Variants in PIWIL4 observed in about 807,000 individuals in gnomAD.
The protein encoded by PIWIL4 is piwi-like protein 4.
Under a neutral mutation model 100.9 loss-of-function variants are expected in PIWIL4, and 50 were observed. The observed-to-expected ratio is 0.50, with a 90% CI of 0.39 to 0.63. The LOEUF is 0.63. PIWIL4 is among the 20% of genes least tolerant of loss of function. The pLI, the probability that PIWIL4 is intolerant of heterozygous loss-of-function variation, is 0.00. For synonymous variants in PIWIL4, 342 were observed against 367.5 expected (o/e 0.93, Z 0.79); for missense variants, 887 against 1,043.3 (o/e 0.85, Z 2.06).
intron 2 of PIWIL4, among the ~76,000 whole-genome samples, chr11:94,570,536 G>T (rs182629315): frequency 1.3e-5 from 2 of 152,128 alleles, no homozygotes; most frequent in East Asian, 3.9e-4. Context: ...AGGCACTGGG[G>T]GTTAAGACAT....
intron 9 of PIWIL4, among the ~76,000 whole-genome samples, chr11:94,594,721 G>A (rs1235121007): frequency 5.9e-5 from 9 of 151,954 alleles, no homozygotes; most frequent in Non-Finnish European, 7.4e-5. Context: ...TAGTAGAGAC[G>A]GGGTTTCTCC....
intron 10 of PIWIL4, among the ~76,000 whole-genome samples, chr11:94,596,974 C>T (rs769343726): frequency 6.6e-5 from 10 of 152,114 alleles, no homozygotes; most frequent in Non-Finnish European, 1.3e-4. Context: ...GGATCTCCTC[C>T]ATGTCCCGCA....
At chr11:94,588,049 A>G (rs1392324130) in intron 7 of PIWIL4, among the ~76,000 whole-genome samples, 1 of 152,160 alleles carries the variant, frequency 6.6e-6, no homozygotes, top group Non-Finnish European at 1.5e-5. Flanking sequence ...GCAGCTATCA[A>G]CCATCACCTA....
At chr11:94,577,545 G>A in intron 4 of PIWIL4, 53 bp downstream of exon 4, 6 of 1,376,098 alleles carry the variant, frequency 4.4e-6, no homozygotes, top group Non-Finnish European at 5.0e-6. Context: ...TTTATTATAT[G>A]TGTATACACA....
chr11:94,607,679 A>C (rs1014056727), intron 14 of PIWIL4, 40 bp downstream of exon 14: 3 of 1,540,786 alleles, frequency 1.9e-6, no homozygotes, highest in Non-Finnish European at 8.8e-7. Flanking sequence ...GTAATTAATA[A>C]ATTTATTTTA....
intron 3 of PIWIL4, among the ~76,000 whole-genome samples, chr11:94,576,007 A>G (rs1455946510): frequency 2.0e-5 from 3 of 152,224 alleles, no homozygotes; most frequent in Non-Finnish European, 4.4e-5. Context: ...CCTACCAGAT[A>G]TATACCCCAG....
intron 9 of PIWIL4, 94 bp downstream of exon 9, chr11:94,593,735 A>G (rs1948517833): frequency 7.1e-7 from 1 of 1,403,688 alleles, no homozygotes; most frequent in Non-Finnish European, 9.7e-7. Context: ...CATGAATGCC[A>G]GGACATCGAT....
At chr11:94,600,306 A>C (rs765288765) in intron 11 of PIWIL4, among the ~76,000 whole-genome samples, 21 of 152,028 alleles carry the variant, frequency 1.4e-4, no homozygotes, top group Non-Finnish European at 1.6e-4. Context: ...GTTATTTTCT[A>C]TTTTCCTTAA....
intron 5 of PIWIL4, 76 bp downstream of exon 5, chr11:94,583,645 G>A (rs778621773): frequency 4.5e-5 from 71 of 1,577,216 alleles, no homozygotes; most frequent in Non-Finnish European, 5.5e-5. Context: ...TAAAATAATC[G>A]ACCATTTTGT....
chr11:94,574,482 A>C (rs931123103), intron 2 of PIWIL4, among the ~76,000 whole-genome samples: 4 of 152,190 alleles, frequency 2.6e-5, no homozygotes, highest in African/African-American at 9.6e-5. Flanking sequence ...CAATATTACA[A>C]GGGCAAGAAC....
chr11:94,595,156 A>G (rs1948539547), intron 9 of PIWIL4, among the ~76,000 whole-genome samples, 153 bp from the exon 10 acceptor site: 1 of 151,912 alleles, frequency 6.6e-6, no homozygotes, highest in Middle Eastern at 3.2e-3. Context: ...TGTGGCTACC[A>G]GAAAACTTAA....
intron 12 of PIWIL4, among the ~76,000 whole-genome samples, chr11:94,602,397 T>G (rs568149721): frequency 6.6e-6 from 1 of 152,346 alleles, no homozygotes; most frequent in South Asian, 2.1e-4. Flanking sequence ...GCTTTAAAAT[T>G]TAATATGAAA....
chr11:94,592,340 T>G (rs1948497852), intron 8 of PIWIL4, among the ~76,000 whole-genome samples: 2 of 152,226 alleles, frequency 1.3e-5, no homozygotes, highest in Admixed American at 1.3e-4. Context: ...TTAAGCATTG[T>G]TTGTGCTTCT....
rs1948735205 is a variant in PIWIL4 at position 94,607,421 on chromosome 11, T to C, written c.1639-18T>C. On this transcript the variant is annotated intron_variant, in intron 13 of 19. Coordinates refer to ENST00000299001, the MANE Select transcript of PIWIL4 (RefSeq NM_152431.3). Reference sequence around the variant, plus strand: ...AAGTAAATTAACTTCCAAAATCTTTTGCTGTTTTTGCTTTTAGGTAATGTG... The same window carrying C: ...AAGTAAATTAACTTCCAAAATCTTTCGCTGTTTTTGCTTTTAGGTAATGTG... 1.2e-6 allele frequency: 2 copies of C among 1,601,412 alleles called. No individual in the cohort carries two copies. The highest frequency in any genetic ancestry group is 1.1e-5 in the South Asian group (1 of 90,210).
intron 7 of PIWIL4, 85 bp downstream of exon 7, chr11:94,587,332 C>A: frequency 1.5e-6 from 2 of 1,326,804 alleles, no homozygotes; most frequent in Non-Finnish European, 2.1e-6. Context: ...GGAGTATTGG[C>A]CCAATATCAC....
intron 2 of PIWIL4, among the ~76,000 whole-genome samples, chr11:94,573,156 TG>T (rs1339734384): frequency 6.6e-6 from 1 of 152,230 alleles, no homozygotes; most frequent in African/African-American, 2.4e-5. Context: ...GAGACTTTGC[TG>T]AAGTTGCTTA....
intron 8 of PIWIL4, among the ~76,000 whole-genome samples, chr11:94,591,149 C>T (rs1425255290): frequency 6.6e-6 from 1 of 152,214 alleles, no homozygotes; most frequent in Non-Finnish European, 1.5e-5. Context: ...GCTTCTTCCT[C>T]TCTAGCACTG....
chr11:94,576,011 A>G (rs1948231032), intron 3 of PIWIL4, among the ~76,000 whole-genome samples: 2 of 152,168 alleles, frequency 1.3e-5, no homozygotes, highest in African/African-American at 4.8e-5. Flanking sequence ...CCAGATATAT[A>G]CCCCAGGTTG....
chr11:94,589,257 T>C (rs1228373623), intron 8 of PIWIL4, 25 bp downstream of exon 8: 10 of 1,528,062 alleles, frequency 6.5e-6, no homozygotes, highest in Admixed American at 1.7e-5. Context: ...CATGCATCTC[T>C]ATCTCCTTTT....
Sources: allele counts gnomAD v4.1 joint callset (sites outside exome capture counted in the v4.1 genomes callset), GRCh38; gene constraint gnomAD v4.1.1; transcripts MANE v1.5; gene names NCBI Gene and HGNC (gene_info 2026-07-23, HGNC 2026-07-21).